Variants in SCGN observed in about 807,000 individuals in gnomAD.
The protein encoded by SCGN is secretagogin, EF-hand calcium binding protein.
Under a neutral mutation model 39.7 loss-of-function variants are expected in SCGN, and 30 were observed. The observed-to-expected ratio is 0.76, with a 90% CI of 0.57 to 1.03. The LOEUF (loss-of-function observed/expected upper bound fraction) is 1.03, where lower values mean the gene tolerates loss of function less well. Among genes scored for constraint, SCGN ranks in the 50% least tolerant of loss-of-function variants. SCGN has a pLI of 0.00. For missense variants in SCGN, 353 were observed against 349.4 expected, an observed-to-expected ratio of 1.01 and a Z score of -0.08; for synonymous variants, 106 against 114.1, an observed-to-expected ratio of 0.93 and a Z score of 0.45.
chr6:25,701,527 T>C lies in SCGN; in HGVS notation c.*192T>C, dbSNP rs1759913272. ...CCCTGTCTCACTGAAAGCCCCTGTGTAGTGTCTGTGTTGTTTTCCCTTGAC... is the reference window on the plus strand; with the variant it reads ...CCCTGTCTCACTGAAAGCCCCTGTGCAGTGTCTGTGTTGTTTTCCCTTGAC... On this transcript the variant is annotated 3_prime_UTR_variant, in exon 11 of 11. Transcript: ENST00000377961. 1.7e-6 allele frequency: 1 copy of C among 578,212 alleles called. No homozygotes were observed. Among genetic ancestry groups the C allele is most frequent in the Non-Finnish European group, 2.8e-6 (1 of 351,988 alleles). The allele number at this position is 578,212 out of a possible 1,614,324, so 35.8% of individuals were successfully genotyped here. A position where few individuals can be genotyped will look rare whatever the true frequency, so the allele number is the denominator to read the frequency against.
At chr6:25,691,018 A>G in intron 9 of SCGN, 38 bp from the exon 10 acceptor site, 1 of 1,567,224 alleles carries the variant, frequency 6.4e-7, no homozygotes, top group Middle Eastern at 1.7e-4. Context: ...TTGGCTTAAG[A>G]AACTGATATT....
chr6:25,657,267 C>T (rs965161931), intron 2 of SCGN, among the ~76,000 whole-genome samples: 1 of 152,124 alleles, frequency 6.6e-6, no homozygotes, highest in Non-Finnish European at 1.5e-5. Flanking sequence ...AAAGAAGACT[C>T]ATGGTCGGTG....
In SCGN at chr6:25,652,433, G is replaced by A; in HGVS notation, c.30G>A (p.Gly10=). The change falls in exon 1 of 11, where the codon GGG becomes GGA. Residue 10 remains glycine (G), a synonymous_variant. Coordinates refer to ENST00000377961, the MANE Select transcript of SCGN (RefSeq NM_006998.4). MDSSREPTL[G]RLDAAGFWQV... Reference sequence around the variant, plus strand: ...ACAGCTCCCGGGAACCGACTCTGGGGCGCTTGGACGCCGCTGGCTTCTGGC... The same window carrying A: ...ACAGCTCCCGGGAACCGACTCTGGGACGCTTGGACGCCGCTGGCTTCTGGC... 1.9e-6 allele frequency: 3 copies of A among 1,614,162 alleles called. No individual in the cohort carries two copies. Among genetic ancestry groups the A allele is most frequent in the Non-Finnish European group, 1.7e-6 (2 of 1,180,028 alleles).
chr6:25,688,597 C>A (rs1033558702), intron 7 of SCGN, among the ~76,000 whole-genome samples: 1 of 152,132 alleles, frequency 6.6e-6, no homozygotes, highest in Non-Finnish European at 1.5e-5. Context: ...GTCAGGAGAT[C>A]GAGACCATCC....
In SCGN at chr6:25,667,278, A is replaced by G. The variant is rs545650043; in HGVS notation, c.337-2233A>G. Among the ~76,000 whole-genome samples, 30 of 152,230 alleles carry G rather than the reference A, an allele frequency of 2.0e-4. No homozygotes were observed. In the East Asian group the frequency reaches 5.8e-3, roughly 29 times the overall value. ...GCTTCTTATCTTATCTTTTTTTTAAATTCCACTTTTCCTGCCTTTGTAGTT... is the reference window on the plus strand; with the variant it reads ...GCTTCTTATCTTATCTTTTTTTTAAGTTCCACTTTTCCTGCCTTTGTAGTT... On this transcript the variant is annotated intron_variant, in intron 4 of 10. Coordinates refer to ENST00000377961, the MANE Select transcript of SCGN (RefSeq NM_006998.4).
chr6:25,673,072 A>G (rs1025438105), intron 6 of SCGN, among the ~76,000 whole-genome samples: 19 of 152,102 alleles, frequency 1.2e-4, no homozygotes, highest in Non-Finnish European at 2.1e-4. Context: ...TTAAACTGAA[A>G]TTTCAGTTGT....
intron 2 of SCGN, among the ~76,000 whole-genome samples, chr6:25,657,273 C>T (rs146784838): frequency 1.3e-5 from 2 of 152,208 alleles, no homozygotes; most frequent in Non-Finnish European, 2.9e-5. Context: ...GACTCATGGT[C>T]GGTGGGGAAA....
At chr6:25,667,488 A>G (rs957355604) in intron 4 of SCGN, among the ~76,000 whole-genome samples, 1 of 152,208 alleles carries the variant, frequency 6.6e-6, no homozygotes, top group African/African-American at 2.4e-5. Context: ...TTAACACACT[A>G]TAACTCTTAC....
intron 10 of SCGN, among the ~76,000 whole-genome samples, chr6:25,700,502 A>G (rs1051235273): frequency 6.6e-6 from 1 of 152,184 alleles, no homozygotes; most frequent in African/African-American, 2.4e-5. Flanking sequence ...ACAACTTTCC[A>G]GCTTGGCAGG....
At chr6:25,692,243 G>A (rs1428169156) in intron 10 of SCGN, among the ~76,000 whole-genome samples, 5 of 152,196 alleles carry the variant, frequency 3.3e-5, no homozygotes, top group African/African-American at 9.6e-5. Context: ...TGTCAGAATG[G>A]CTTCTGTAAT....
rs116279571 is a variant in SCGN, at chr6:25,672,048, C to A, written c.471+1972C>A. 1.9e-3 allele frequency among the ~76,000 whole-genome samples: 285 copies of A among 152,316 alleles called. 1 individual carries two copies. Among genetic ancestry groups the A allele is most frequent in the African/African-American group, 6.7e-3 (278 of 41,572 alleles). Reference sequence around the variant, plus strand: ...CTTCTTAATATAGCTCAGCTTCCCCCCTCACCAACTTTTTTCACCTGGTTC... The same window carrying A: ...CTTCTTAATATAGCTCAGCTTCCCCACTCACCAACTTTTTTCACCTGGTTC... On this transcript the variant is annotated intron_variant, in intron 6 of 10. Transcript: ENST00000377961.
At chr6:25,656,747 G>A (rs76587866) in intron 2 of SCGN, among the ~76,000 whole-genome samples, 2,271 of 152,268 alleles carry the variant, frequency 0.015, 50 homozygotes, top group African/African-American at 0.051. Flanking sequence ...GAGCTTTGGG[G>A]TTAGGGGTCT....
At chr6:25,695,616 G>A (rs958255520) in intron 10 of SCGN, among the ~76,000 whole-genome samples, 3 of 152,052 alleles carry the variant, frequency 2.0e-5, no homozygotes, top group South Asian at 2.1e-4. Flanking sequence ...TGCAACCTCC[G>A]CCTCCTGGGT....
chr6:25,696,513 A>G (rs1759839629), intron 10 of SCGN, among the ~76,000 whole-genome samples: 1 of 152,196 alleles, frequency 6.6e-6, no homozygotes, highest in African/African-American at 2.4e-5. Context: ...AATAATTTAG[A>G]TGGGTTCCCA....
chr6:25,652,431 G>C lies in SCGN; in HGVS notation c.28G>C (p.Gly10Arg), dbSNP rs748763502. The change falls in exon 1 of 11, where the codon GGG becomes CGG. Residue 10 changes from glycine (G) to arginine (R), a missense_variant. Coordinates refer to ENST00000377961, the MANE Select transcript of SCGN (RefSeq NM_006998.4). ...GGACAGCTCCCGGGAACCGACTCTG[G>C]GGCGCTTGGACGCCGCTGGCTTCTG... MDSSREPTL[G>R]RLDAAGFWQV... The C allele has an allele frequency of 5.6e-6, 9 of 1,614,126 alleles. No individual in the cohort carries two copies. Among genetic ancestry groups the C allele is most frequent in the South Asian group, 1.1e-5 (1 of 91,084 alleles).
chr6:25,664,862 C>T (rs1195756447), intron 3 of SCGN, 81 bp from the exon 4 acceptor site: 1 of 1,032,232 alleles, frequency 9.7e-7, no homozygotes, highest in East Asian at 2.4e-5. Context: ...GGAATATGCA[C>T]CACCATGCCT....
intron 5 of SCGN, 48 bp downstream of exon 5, chr6:25,669,615 G>T (rs1378545896): frequency 2.0e-6 from 3 of 1,492,836 alleles, no homozygotes; most frequent in Admixed American, 3.4e-5. Context: ...TTGGGAATTT[G>T]ATATGTGTGT....
At chr6:25,677,664 A>G (rs768844236) in intron 6 of SCGN, among the ~76,000 whole-genome samples, 10 of 152,236 alleles carry the variant, frequency 6.6e-5, no homozygotes, top group Non-Finnish European at 1.3e-4. Flanking sequence ...GTGTGTACAT[A>G]TATACATATG....
At chr6:25,683,623 T>A (rs1169510892) in intron 7 of SCGN, among the ~76,000 whole-genome samples, 1 of 148,234 alleles carries the variant, frequency 6.7e-6, no homozygotes, top group Non-Finnish European at 1.5e-5. Flanking sequence ...ATAATGCACA[T>A]TTCAGTGTAT....
Sources: allele counts gnomAD v4.1 joint callset (sites outside exome capture counted in the v4.1 genomes callset), GRCh38; gene constraint gnomAD v4.1.1; transcripts MANE v1.5; gene names NCBI Gene and HGNC (gene_info 2026-07-23, HGNC 2026-07-21).